Variants in KLF12 observed in about 807,000 individuals in gnomAD.
KLF12 encodes the protein KLF transcription factor 12, also known as Krueppel-like factor 12.
Under a neutral mutation model 37.8 loss-of-function variants are expected in KLF12, and 9 were observed. That is an observed-to-expected ratio of 0.24 (90% CI 0.14 to 0.42). KLF12 has a LOEUF of 0.42. KLF12 is among the 10% of genes least tolerant of loss of function. The probability of loss-of-function intolerance (pLI) is 1.00; values close to 1 mark genes in which losing one functional copy is unlikely to be tolerated. For missense variants in KLF12, 411 were observed against 516.0 expected (o/e 0.80, Z 1.97); for synonymous variants, 208 against 202.1 (o/e 1.03, Z -0.25).
At chr13:74,292,689 G>T in the KLF12 span, among the ~76,000 whole-genome samples, 7 of 152,158 alleles carry the variant, frequency 4.6e-5, no homozygotes, top group Middle Eastern at 3.4e-3. Context: ...GTGTACCTTC[G>T]TCACTTTCTT....
chr13:74,009,011 C>T (rs1469011431), intron 1 of KLF12, among the ~76,000 whole-genome samples: 1 of 152,170 alleles, frequency 6.6e-6, no homozygotes, highest in Non-Finnish European at 1.5e-5. Context: ...CACTATTTCC[C>T]AGCTGAGCCT....
At chr13:74,054,125 A>G (rs1246286545) in intron 1 of KLF12, among the ~76,000 whole-genome samples, 3 of 152,216 alleles carry the variant, frequency 2.0e-5, no homozygotes, top group Admixed American at 6.5e-5. Flanking sequence ...TAGGTATTTC[A>G]TACTACTCAC....
chr13:73,835,279 A>T (rs1884372271), intron 4 of KLF12, among the ~76,000 whole-genome samples: 1 of 152,184 alleles, frequency 6.6e-6, no homozygotes, highest in Admixed American at 6.5e-5. Context: ...AGAAAAAATA[A>T]CTAGATTACC....
chr13:73,932,463 T>A (rs1475569244), intron 3 of KLF12, among the ~76,000 whole-genome samples: 1 of 152,156 alleles, frequency 6.6e-6, no homozygotes, highest in African/African-American at 2.4e-5. Context: ...GATGATTCTC[T>A]GACATAATTT....
At chr13:74,158,302 A>C in the KLF12 span, among the ~76,000 whole-genome samples, 1 of 152,136 alleles carries the variant, frequency 6.6e-6, no homozygotes, top group African/African-American at 2.4e-5. Flanking sequence ...GGGGGACTTA[A>C]AGGGGGGTGT....
At chr13:74,064,022 AT>A (rs1272055465) in intron 1 of KLF12, among the ~76,000 whole-genome samples, 1 of 151,772 alleles carries the variant, frequency 6.6e-6, no homozygotes, top group Non-Finnish European at 1.5e-5. Flanking sequence ...TAATAAAATA[AT>A]TTGGTTCACT....
In KLF12 at chr13:73,688,813, G is replaced by A. The variant is rs942019564; in HGVS notation, c.*6677C>T. 2.6e-5 allele frequency: 4 copies of A among 152,158 alleles called. No homozygotes were observed. Among genetic ancestry groups the A allele is most frequent in the Admixed American group, 2.0e-4 (3 of 15,266 alleles). The allele number at this position is 152,158 out of a possible 1,614,324, so 9.4% of individuals were successfully genotyped here. On this transcript the variant is annotated 3_prime_UTR_variant, in exon 8 of 8. Transcript: ENST00000377669. ...TCCATAATAAAATTACTGAGAGTCA[G>A]GAATCTGGGAAGGTGGTTTCGGGAC... is the stretch of plus-strand genomic sequence containing the variant.
At chr13:73,901,684 A>G (rs1182852838) in intron 3 of KLF12, among the ~76,000 whole-genome samples, 3 of 152,206 alleles carry the variant, frequency 2.0e-5, no homozygotes, top group Non-Finnish European at 4.4e-5. Flanking sequence ...TCCCTAATGC[A>G]GCAAAGCAAT....
intron 2 of KLF12, among the ~76,000 whole-genome samples, chr13:73,972,005 C>T (rs143399236): frequency 2.0e-4 from 30 of 152,142 alleles, no homozygotes; most frequent in African/African-American, 6.5e-4. Flanking sequence ...TGGGTGCTAC[C>T]GAATCATTAA....
chr13:73,799,084 A>G (rs1882147208), intron 5 of KLF12, among the ~76,000 whole-genome samples: 1 of 152,198 alleles, frequency 6.6e-6, no homozygotes, highest in Admixed American at 6.5e-5. Flanking sequence ...TGCAGCCATA[A>G]AAAGAGCAAG....
At chr13:74,177,886 C>A in the KLF12 span, among the ~76,000 whole-genome samples, 1 of 152,166 alleles carries the variant, frequency 6.6e-6, no homozygotes, top group Non-Finnish European at 1.5e-5. Context: ...TTTTACATCA[C>A]CAAATGTTAA....
At chr13:73,899,337 T>C (rs1049092066) in intron 3 of KLF12, among the ~76,000 whole-genome samples, 3 of 152,180 alleles carry the variant, frequency 2.0e-5, no homozygotes, top group African/African-American at 7.2e-5. Flanking sequence ...TCCGTCTGTT[T>C]CCACCTAATG....
At chr13:73,847,050 TTAAG>T (rs1885070519) in intron 3 of KLF12, among the ~76,000 whole-genome samples, 1 of 152,172 alleles carries the variant, frequency 6.6e-6, no homozygotes, top group African/African-American at 2.4e-5. Flanking sequence ...CTGCACTCTT[TTAAG>T]TTTTAATGAG....
intron 1 of KLF12, among the ~76,000 whole-genome samples, chr13:74,123,857 G>C (rs1158944008): frequency 6.6e-6 from 1 of 152,164 alleles, no homozygotes; most frequent in African/African-American, 2.4e-5. Context: ...GGCAATTAGG[G>C]TTCTAGTTCT....
At chr13:73,919,456 A>C (rs1003985262) in intron 3 of KLF12, among the ~76,000 whole-genome samples, 1 of 152,210 alleles carries the variant, frequency 6.6e-6, no homozygotes, top group Non-Finnish European at 1.5e-5. Context: ...TACAGGAAAG[A>C]ACACTGTCTT....
chr13:74,261,137 A>T, the KLF12 span, among the ~76,000 whole-genome samples: 1 of 152,178 alleles, frequency 6.6e-6, no homozygotes, highest in African/African-American at 2.4e-5. Context: ...TTGAAATTTT[A>T]AAAAAATTTA....
intron 6 of KLF12, among the ~76,000 whole-genome samples, chr13:73,737,554 A>C (rs991880791): frequency 3.9e-5 from 6 of 152,156 alleles, no homozygotes; most frequent in African/African-American, 1.4e-4. Context: ...AAAATGTTTT[A>C]GACAAACACT....
rs1323072348 is a variant in KLF12, at chr13:73,688,185, A to G, written c.*7305T>C. On this transcript the variant is annotated 3_prime_UTR_variant, in exon 8 of 8. Transcript: ENST00000377669. ...AGTCCATTAGTACTTCCATGAATCA[A>G]TACTGTCAGAGACCTTGTTCTACAC... 3.3e-5 allele frequency: 5 copies of G among 152,614 alleles called. No individual in the cohort carries two copies. The highest frequency in any genetic ancestry group is 3.3e-4 in the Admixed American group (5 of 15,286). 9.5% of individuals were successfully genotyped at this position (152,614 alleles called of 1,614,324 possible). A position where few individuals can be genotyped will look rare whatever the true frequency, so the allele number is the denominator to read the frequency against.
intron 5 of KLF12, among the ~76,000 whole-genome samples, chr13:73,773,094 G>C (rs912632960): frequency 5.9e-5 from 9 of 152,196 alleles, no homozygotes; most frequent in African/African-American, 1.9e-4. Flanking sequence ...GTTTTTAACT[G>C]TCAGATGCAC....
Sources: allele counts gnomAD v4.1 joint callset (sites outside exome capture counted in the v4.1 genomes callset), GRCh38; gene constraint gnomAD v4.1.1; transcripts MANE v1.5; gene names NCBI Gene and HGNC (gene_info 2026-07-23, HGNC 2026-07-21).